The following TRERF1 variants were observed in gnomAD, a reference collection of about 807,000 sequenced individuals.
TRERF1 encodes the protein transcriptional regulating factor 1.
TRERF1 carries 27 observed loss-of-function variants against 122.9 expected under a neutral mutation model. The ratio of observed to expected loss-of-function variants is 0.22; its 90% CI spans 0.16 to 0.30. TRERF1 has a LOEUF of 0.30. Ranked by LOEUF, TRERF1 falls within the 10% of genes least tolerant of loss-of-function variation. TRERF1 has a pLI of 1.00. For synonymous variants in TRERF1, 636 were observed against 641.7 expected (o/e 0.99, Z 0.13); for missense variants, 1,248 against 1,560.3 (o/e 0.80, Z 3.37).
At chr6:42,292,847 G>A (rs758811443) in intron 4 of TRERF1, among the ~76,000 whole-genome samples, 1 of 152,182 alleles carries the variant, frequency 6.6e-6, no homozygotes, top group Non-Finnish European at 1.5e-5. Flanking sequence ...CTGTTAGCTG[G>A]AGTCATTTCA....
intron 16 of TRERF1, among the ~76,000 whole-genome samples, chr6:42,233,860 G>C (rs1771430424): frequency 6.6e-6 from 1 of 152,196 alleles, no homozygotes; most frequent in Non-Finnish European, 1.5e-5. Flanking sequence ...CTACGTTGTA[G>C]ATAGCCTTAA....
chr6:42,243,932 G>A (rs1411389229), intron 14 of TRERF1, among the ~76,000 whole-genome samples: 1 of 147,120 alleles, frequency 6.8e-6, no homozygotes, highest in Non-Finnish European at 1.5e-5. Flanking sequence ...AGGCTGGAGT[G>A]CAGTGGCACC....
At chr6:42,375,082 G>C (rs986543124) in intron 2 of TRERF1, among the ~76,000 whole-genome samples, 4 of 151,730 alleles carry the variant, frequency 2.6e-5, no homozygotes, top group Non-Finnish European at 4.4e-5. Context: ...TAACACCCCT[G>C]GAAGCTGGAA....
intron 3 of TRERF1, among the ~76,000 whole-genome samples, chr6:42,335,678 T>G (rs35054855): frequency 6.6e-6 from 1 of 152,114 alleles, no homozygotes; most frequent in South Asian, 2.1e-4. Context: ...TGGGATTCTC[T>G]CTCTTCTGCC....
chr6:42,263,140 CAGCCCTGAGAGACCA>C lies in TRERF1; in HGVS notation c.1884+165_1884+179del. 7 of 1,346,206 alleles carry C rather than the reference CAGCCCTGAGAGACCA, an allele frequency of 5.2e-6. No individual in the cohort carries two copies. The South Asian group carries it at 1.5e-4, about 28-fold the overall frequency. The allele number at this position is 1,346,206 out of a possible 1,614,324, so 83.4% of individuals were successfully genotyped here. On this transcript the variant is annotated intron_variant, in intron 8 of 17. Transcript: ENST00000372922. This position sits in a 1 kb window ranked among gnomAD's most constrained non-coding sequence, Gnocchi z 5.6. ...AGGGTTCCCAATGTGGCCACGGGTTCAGCCCTGAGAGACCAAGCCGTATCCAAGCTCAGGTCAGTG... is the reference window on the plus strand; with the variant it reads ...AGGGTTCCCAATGTGGCCACGGGTTCAGCCGTATCCAAGCTCAGGTCAGTG...
chr6:42,257,142 AT>A, intron 10 of TRERF1, 40 bp from the exon 11 acceptor site: 1 of 1,610,824 alleles, frequency 6.2e-7, no homozygotes, highest in Non-Finnish European at 8.5e-7. Context: ...GTGGTCTTCA[AT>A]TTGATGGCTC....
intron 6 of TRERF1, among the ~76,000 whole-genome samples, chr6:42,265,319 C>A (rs1561862407): frequency 6.6e-6 from 1 of 152,232 alleles, no homozygotes; most frequent in African/African-American, 2.4e-5. Context: ...CAAGTCTGTA[C>A]TGTTCACTGC....
At chr6:42,256,598 G>A in intron 12 of TRERF1, 130 bp downstream of exon 12, 1 of 700,436 alleles carries the variant, frequency 1.4e-6, no homozygotes, top group South Asian at 1.8e-5. Flanking sequence ...AAGGAATAGG[G>A]AGGCGTGCTG....
intron 15 of TRERF1, among the ~76,000 whole-genome samples, chr6:42,242,326 T>G (rs1773900139): frequency 6.6e-6 from 1 of 151,800 alleles, no homozygotes; most frequent in African/African-American, 2.4e-5. Context: ...CACTGTCTGT[T>G]AAAGAAAATA....
intron 2 of TRERF1, among the ~76,000 whole-genome samples, chr6:42,409,915 T>C (rs1032317522): frequency 2.0e-5 from 3 of 152,286 alleles, no homozygotes; most frequent in Admixed American, 2.0e-4. Flanking sequence ...ACACACCTAT[T>C]TTTTTACTCT....
chr6:42,326,784 C>T (rs548540246), intron 3 of TRERF1, among the ~76,000 whole-genome samples: 272 of 152,328 alleles, frequency 1.8e-3, no homozygotes, highest in African/African-American at 6.2e-3. Context: ...AGAATAACAA[C>T]AGCTGTTGGA....
At chr6:42,414,785 G>T (rs886307913) in intron 2 of TRERF1, among the ~76,000 whole-genome samples, 1 of 152,138 alleles carries the variant, frequency 6.6e-6, no homozygotes, top group African/African-American at 2.4e-5. Flanking sequence ...ACGCACTAAA[G>T]GTCTGAACAA....
At chr6:42,377,833 T>C (rs1300384036) in intron 2 of TRERF1, among the ~76,000 whole-genome samples, 1 of 152,212 alleles carries the variant, frequency 6.6e-6, no homozygotes, top group African/African-American at 2.4e-5. Flanking sequence ...TACATCTCCA[T>C]GGTTGGTCCT....
At chr6:42,369,721 T>A (rs543362424) in intron 2 of TRERF1, among the ~76,000 whole-genome samples, 1 of 152,208 alleles carries the variant, frequency 6.6e-6, no homozygotes, top group Non-Finnish European at 1.5e-5. Flanking sequence ...CTGATGTGTC[T>A]CTTGTCTATT....
chr6:42,374,205 A>G (rs1034944592), intron 2 of TRERF1, among the ~76,000 whole-genome samples: 2 of 151,714 alleles, frequency 1.3e-5, no homozygotes, highest in African/African-American at 2.4e-5. Flanking sequence ...AAGCCTTAGA[A>G]TGCCCAGGCA....
chr6:42,446,450 A>C (rs1161126051), intron 2 of TRERF1, among the ~76,000 whole-genome samples: 2 of 152,168 alleles, frequency 1.3e-5, no homozygotes, highest in African/African-American at 4.8e-5. Context: ...ACTCTAATGA[A>C]ATCCATCCAA....
intron 13 of TRERF1, among the ~76,000 whole-genome samples, chr6:42,253,825 C>T (rs1357761148): frequency 1.3e-5 from 2 of 152,184 alleles, no homozygotes; most frequent in South Asian, 4.1e-4. Flanking sequence ...CTGGGCTGCC[C>T]GGACTAAAGA....
At chr6:42,420,398 C>T (rs1445122952) in intron 2 of TRERF1, among the ~76,000 whole-genome samples, 1 of 152,184 alleles carries the variant, frequency 6.6e-6, no homozygotes, top group African/African-American at 2.4e-5. Context: ...CCACCAATCG[C>T]CTCCCGTGGT....
In TRERF1 at chr6:42,259,345, G is replaced by A; in HGVS notation, c.2263C>T (p.Arg755Cys). ...CGCTAAAGGGGTGACTCACTGGAGC[G>A]ACACAGCAGCACCCGTGGTGTGGGC... The change falls in exon 9 of 18, where the codon CGC becomes TGC. Residue 755 changes from arginine (R) to cysteine (C), a missense_variant. By Grantham distance (180) the Arg-to-Cys change is radical. Coordinates refer to ENST00000372922, the Ensembl canonical transcript of TRERF1. This position sits in a 1 kb window ranked among gnomAD's most constrained non-coding sequence, Gnocchi z 4.9. The A allele has an allele frequency of 2.0e-6, 3 of 1,500,678 alleles. No homozygotes were observed. Among genetic ancestry groups the A allele is most frequent in the South Asian group, 1.3e-5 (1 of 74,564 alleles). The allele number at this position is 1,500,678 out of a possible 1,614,324, so 93.0% of individuals were successfully genotyped here. A position where few individuals can be genotyped will look rare whatever the true frequency, so the allele number is the denominator to read the frequency against.
Sources: gnomAD v4.1 joint callset for allele counts (sites outside exome capture counted in the v4.1 genomes callset) on GRCh38, gnomAD v4.1.1 for gene constraint, Gnocchi (gnomAD v3.1) non-coding constraint, MANE v1.5 for transcripts, NCBI Gene and HGNC (gene_info 2026-07-23, HGNC 2026-07-21) for gene names.